The following SGCD variants were observed in gnomAD, a reference collection of about 807,000 sequenced individuals.
SGCD encodes delta-sarcoglycan.
SGCD carries 18 observed loss-of-function variants against 36.6 expected under a neutral mutation model. The observed-to-expected ratio is 0.49, with a 90% CI of 0.34 to 0.73. The LOEUF (loss-of-function observed/expected upper bound fraction) is 0.73, where lower values mean the gene tolerates loss of function less well. Ranked by LOEUF, SGCD falls within the 30% of genes least tolerant of loss-of-function variation. The pLI is 0.01. For missense variants in SGCD, 387 were observed against 346.7 expected (o/e 1.12, Z -0.92); for synonymous variants, 133 against 130.6 (o/e 1.02, Z -0.12).
intron 3 of SGCD, among the ~76,000 whole-genome samples, chr5:156,431,674 G>A (rs1753016342): frequency 6.6e-6 from 1 of 152,162 alleles, no homozygotes. Flanking sequence ...CCTTAGGAAT[G>A]GGGCTTCCTG....
At position 156,691,206 on chromosome 5, in the gene SGCD, CAAA is replaced by C. The variant is rs58947494; in HGVS notation, c.575+43688_575+43690del. Among the ~76,000 whole-genome samples the C allele has an allele frequency of 7.5e-3, 462 of 61,874 alleles. 13 individuals are homozygous for C. The highest frequency in any genetic ancestry group is 0.027 in the African/African-American group (400 of 14,618). 40.6% of individuals were successfully genotyped at this position (61,874 alleles called of 152,430 possible). ...TGGGCAACAGAGCGAGACTCTGTCT[CAAA>C]AAAAAAAAAAAAAAAAAGAGAGAGA... is the stretch of plus-strand genomic sequence containing the variant. On this transcript the variant is annotated intron_variant, in intron 7 of 8. Transcript: ENST00000337851.
the SGCD span, among the ~76,000 whole-genome samples, chr5:155,789,644 A>G: frequency 1.3e-5 from 2 of 152,144 alleles, no homozygotes; most frequent in Non-Finnish European, 2.9e-5. Flanking sequence ...TAGGGTAAAA[A>G]TGCCTCTTAA....
intron 7 of SGCD, among the ~76,000 whole-genome samples, chr5:156,665,139 G>C (rs1449230649): frequency 1.3e-5 from 2 of 152,150 alleles, no homozygotes; most frequent in African/African-American, 4.8e-5. Flanking sequence ...CCGGCGGCCA[G>C]TATTGATAGG....
intron 4 of SGCD, among the ~76,000 whole-genome samples, chr5:156,562,887 A>C (rs912902377): frequency 1.3e-5 from 2 of 151,668 alleles, no homozygotes; most frequent in African/African-American, 4.8e-5. Flanking sequence ...AAGACCTTTA[A>C]ATTACCTTCC....
At chr5:155,909,401 T>C (rs1756586583) in intron 1 of SGCD, among the ~76,000 whole-genome samples, 1 of 152,158 alleles carries the variant, frequency 6.6e-6, no homozygotes, top group African/African-American at 2.4e-5. Context: ...TGTAAATATC[T>C]ATAAATAACT....
intron 3 of SGCD, among the ~76,000 whole-genome samples, chr5:156,501,241 G>A (rs1756435745): frequency 6.6e-6 from 1 of 152,080 alleles, no homozygotes; most frequent in African/African-American, 2.4e-5. Flanking sequence ...AGCACATCTA[G>A]CACAGTTCAT....
chr5:156,742,390 C>T (rs939953685), intron 7 of SGCD, among the ~76,000 whole-genome samples: 3 of 152,112 alleles, frequency 2.0e-5, no homozygotes, highest in Non-Finnish European at 2.9e-5. Flanking sequence ...TATAAGCATT[C>T]TGCTTATTCT....
At chr5:156,519,786 C>A (rs1324244746) in intron 4 of SGCD, among the ~76,000 whole-genome samples, 1 of 152,160 alleles carries the variant, frequency 6.6e-6, no homozygotes, top group East Asian at 1.9e-4. Flanking sequence ...TCAATAGACT[C>A]AGAAAAGGCC....
rs534203984 is a variant in SGCD, at chr5:156,045,028, G to C, written c.-281-72850G>C. Among the ~76,000 whole-genome samples, 37 of 152,274 alleles carry C rather than the reference G, an allele frequency of 2.4e-4. No homozygotes were observed. The South Asian group carries it at 6.8e-3, about 28-fold the overall frequency. On this transcript the variant is annotated intron_variant, in intron 1 of 9. Coordinates refer to the SGCD transcript ENST00000517913. ...GCAGTGTTTGCTTGGCATGTGGTCA[G>C]GTGAGCACCTTCTTGCTACAGTTAT...
intron 3 of SGCD, among the ~76,000 whole-genome samples, chr5:156,480,558 T>A (rs1035666649): frequency 6.6e-6 from 1 of 152,202 alleles, no homozygotes; most frequent in Admixed American, 6.5e-5. Flanking sequence ...TTAGCTGGGA[T>A]CTTTCCTTGA....
intron 3 of SGCD, among the ~76,000 whole-genome samples, chr5:156,305,700 T>C (rs1393214310): frequency 6.6e-6 from 1 of 152,082 alleles, no homozygotes; most frequent in African/African-American, 2.4e-5. Context: ...GAAAAGCACA[T>C]GGAAAAGATG....
At chr5:156,504,573 T>C (rs1756615235) in intron 3 of SGCD, among the ~76,000 whole-genome samples, 1 of 152,090 alleles carries the variant, frequency 6.6e-6, no homozygotes, top group Non-Finnish European at 1.5e-5. Context: ...TTCCCTATAG[T>C]GTGTTCAATT....
chr5:155,906,946 T>C (rs1404817878), intron 1 of SGCD, among the ~76,000 whole-genome samples: 1 of 150,452 alleles, frequency 6.6e-6, no homozygotes, highest in East Asian at 2.0e-4. Flanking sequence ...AATATAGTAC[T>C]TTCATAGCTA....
At chr5:156,169,249 A>T (rs73811523) in intron 3 of SGCD, among the ~76,000 whole-genome samples, 1 of 152,170 alleles carries the variant, frequency 6.6e-6, no homozygotes, top group African/African-American at 2.4e-5. Context: ...TTGCTGGCCT[A>T]TTTACAGTAC....
At chr5:156,205,275 A>G (rs1348825003) in intron 3 of SGCD, among the ~76,000 whole-genome samples, 3 of 152,092 alleles carry the variant, frequency 2.0e-5, no homozygotes, top group Non-Finnish European at 4.4e-5. Flanking sequence ...GGTAAGAGTT[A>G]AGATTCTTTT....
chr5:156,719,153 T>C (rs1234990417), intron 7 of SGCD, among the ~76,000 whole-genome samples: 1 of 152,150 alleles, frequency 6.6e-6, no homozygotes, highest in East Asian at 1.9e-4. Flanking sequence ...TTGTAGAGGC[T>C]TGGCACACAA....
intron 4 of SGCD, among the ~76,000 whole-genome samples, chr5:156,575,550 A>G (rs1450824070): frequency 1.3e-5 from 2 of 152,172 alleles, no homozygotes; most frequent in Non-Finnish European, 2.9e-5. Context: ...ATAAAATGGC[A>G]ATTATACTTA....
At chr5:156,629,353 C>T (rs1191497289) in intron 6 of SGCD, among the ~76,000 whole-genome samples, 1 of 152,152 alleles carries the variant, frequency 6.6e-6, no homozygotes, top group East Asian at 1.9e-4. Flanking sequence ...AGGAGGACCA[C>T]AGAATAATGA....
chr5:155,958,962 C>T (rs2113445648), intron 1 of SGCD, among the ~76,000 whole-genome samples: 1 of 152,248 alleles, frequency 6.6e-6, no homozygotes, highest in Middle Eastern at 3.4e-3. Context: ...CAGGGACCTT[C>T]AGTCCCCAGT....
Sources: gnomAD v4.1 joint callset for allele counts (sites outside exome capture counted in the v4.1 genomes callset) on GRCh38, gnomAD v4.1.1 for gene constraint, MANE v1.5 for transcripts, NCBI Gene and HGNC (gene_info 2026-07-23, HGNC 2026-07-21) for gene names.